ZNG1B: variants seen among roughly 807,000 people sequenced by gnomAD.
ZNG1B encodes Zn regulated GTPase metalloprotein activator 1B, also known as zinc-regulated GTPase metalloprotein activator 1B.
the ZNG1B span, among the ~76,000 whole-genome samples, chr2:113,490,319 T>C: frequency 6.6e-6 from 1 of 152,110 alleles, no homozygotes; most frequent in African/African-American, 2.4e-5. Flanking sequence ...ATGACAATAG[T>C]GACACAACCT....
At chr2:113,463,043 C>G in the ZNG1B span, among the ~76,000 whole-genome samples, 1 of 149,350 alleles carries the variant, frequency 6.7e-6, no homozygotes, top group Non-Finnish European at 1.5e-5. Flanking sequence ...TCAACCATGC[C>G]TTGTCTTCCA....
At chr2:113,446,770 ACG>A in the ZNG1B span, among the ~76,000 whole-genome samples, 7 of 127,834 alleles carry the variant, frequency 5.5e-5, no homozygotes, top group African/African-American at 1.8e-4. Flanking sequence ...GCACATGCAC[ACG>A]CACACACACA....
At chr2:113,492,180 C>A in the ZNG1B span, among the ~76,000 whole-genome samples, 1 of 139,780 alleles carries the variant, frequency 7.2e-6, no homozygotes, top group East Asian at 2.8e-4. Flanking sequence ...GAAAAAGATA[C>A]GTGCACACGC....
At chr2:113,440,431 T>G in the ZNG1B span, among the ~76,000 whole-genome samples, 1 of 152,178 alleles carries the variant, frequency 6.6e-6, no homozygotes, top group South Asian at 2.1e-4. Flanking sequence ...GGCCTCTGTC[T>G]CAGGCTTGGA....
the ZNG1B span, chr2:113,453,206 A>G: frequency 1.3e-6 from 2 of 1,587,484 alleles, no homozygotes; most frequent in South Asian, 2.4e-5. Flanking sequence ...ATGGTAAGTT[A>G]AAAAACAGTT....
the ZNG1B span, among the ~76,000 whole-genome samples, chr2:113,446,779 CACACACACACACATTCAT>C: frequency 2.1e-4 from 22 of 106,598 alleles, no homozygotes; most frequent in East Asian, 3.9e-3. Flanking sequence ...CACGCACACA[CACACACACACACATTCAT>C]ACACACACAC....
At chr2:113,451,159 G>A in the ZNG1B span, among the ~76,000 whole-genome samples, 31 of 151,664 alleles carry the variant, frequency 2.0e-4, 1 homozygote, top group Middle Eastern at 0.014. Flanking sequence ...TTCATTCCTC[G>A]GCTCTACTTT....
At chr2:113,450,509 T>G in the ZNG1B span, among the ~76,000 whole-genome samples, 2 of 148,582 alleles carry the variant, frequency 1.3e-5, no homozygotes, top group African/African-American at 2.5e-5. Context: ...TTATTCTGCT[T>G]CTTCTTGCTT....
At chr2:113,468,293 C>G in the ZNG1B span, among the ~76,000 whole-genome samples, 16 of 150,720 alleles carry the variant, frequency 1.1e-4, no homozygotes, top group African/African-American at 3.9e-4. Context: ...GCTGGTGCAC[C>G]CTGTTTGTGA....
the ZNG1B span, among the ~76,000 whole-genome samples, chr2:113,442,619 T>A: frequency 6.6e-6 from 1 of 152,202 alleles, no homozygotes; most frequent in Non-Finnish European, 1.5e-5. Context: ...CTATTTTCTT[T>A]ATTTTTTCCT....
At chr2:113,474,276 G>C in the ZNG1B span, among the ~76,000 whole-genome samples, 1 of 151,230 alleles carries the variant, frequency 6.6e-6, no homozygotes, top group Non-Finnish European at 1.5e-5. Context: ...TATTTGCGTA[G>C]AGGTGTTTGT....
At chr2:113,488,714 T>C in the ZNG1B span, among the ~76,000 whole-genome samples, 2 of 150,274 alleles carry the variant, frequency 1.3e-5, no homozygotes. Context: ...TATAGAAATA[T>C]AAAATGCTCT....
chr2:113,475,760 G>C, the ZNG1B span, among the ~76,000 whole-genome samples: 2 of 152,004 alleles, frequency 1.3e-5, no homozygotes, highest in African/African-American at 4.8e-5. Flanking sequence ...GCTTAGTTTG[G>C]CTGGATATGA....
the ZNG1B span, among the ~76,000 whole-genome samples, chr2:113,476,109 C>T: frequency 7.2e-5 from 11 of 152,114 alleles, 1 homozygote; most frequent in East Asian, 1.9e-4. Context: ...CCATTCTCCC[C>T]GTCACTTTCA....
the ZNG1B span, among the ~76,000 whole-genome samples, chr2:113,475,411 A>C: frequency 6.6e-5 from 10 of 151,132 alleles, no homozygotes; most frequent in African/African-American, 2.4e-4. Flanking sequence ...TTTCCTGAAT[A>C]CAGCACACTG....
At chr2:113,485,337 A>G in the ZNG1B span, among the ~76,000 whole-genome samples, 2,322 of 107,466 alleles carry the variant, frequency 0.022, 59 homozygotes, top group East Asian at 0.091. Flanking sequence ...TAATTTGCTA[A>G]ACAAAGAGAA....
the ZNG1B span, among the ~76,000 whole-genome samples, chr2:113,489,310 C>T: frequency 6.6e-6 from 1 of 151,990 alleles, no homozygotes; most frequent in Non-Finnish European, 1.5e-5. Flanking sequence ...AGAGAATTCA[C>T]CACTACCAAG....
the ZNG1B span, among the ~76,000 whole-genome samples, chr2:113,450,383 T>C: frequency 6.7e-6 from 1 of 149,218 alleles, no homozygotes; most frequent in Non-Finnish European, 1.5e-5. Context: ...TTTTTGTCAA[T>C]AATTCTGTTT....
chr2:113,466,043 T>C, the ZNG1B span: 1 of 980,694 alleles, frequency 1.0e-6, no homozygotes, highest in Non-Finnish European at 1.2e-6. Context: ...GAGCCACTCA[T>C]CTGCTGGCAG....
Sources: gnomAD v4.1 joint callset for allele counts (sites outside exome capture counted in the v4.1 genomes callset) on GRCh38, gnomAD v4.1.1 for gene constraint, MANE v1.5 for transcripts, NCBI Gene and HGNC (gene_info 2026-07-23, HGNC 2026-07-21) for gene names.